RPA1: variants seen among roughly 807,000 people sequenced by gnomAD.
The protein encoded by RPA1 is replication protein A 70 kDa DNA-binding subunit.
Under a neutral mutation model 83.0 loss-of-function variants are expected in RPA1, and 49 were observed. The ratio of observed to expected loss-of-function variants is 0.59; its 90% CI spans 0.47 to 0.75. The LOEUF is 0.75. Ranked by LOEUF, RPA1 falls within the 30% of genes least tolerant of loss-of-function variation. The pLI, the probability that RPA1 is intolerant of heterozygous loss-of-function variation, is 0.00. For synonymous variants in RPA1, 279 were observed against 281.8 expected (o/e 0.99, Z 0.10); for missense variants, 693 against 776.1 (o/e 0.89, Z 1.27).
intron 12 of RPA1, among the ~76,000 whole-genome samples, chr17:1,882,789 G>C (rs1398815598): frequency 1.3e-5 from 2 of 152,176 alleles, no homozygotes; most frequent in Non-Finnish European, 2.9e-5. Flanking sequence ...TGATCACCAC[G>C]CAGCTGCTGC....
chr17:1,877,716 G>A (rs1238504236), intron 8 of RPA1, among the ~76,000 whole-genome samples: 1 of 152,210 alleles, frequency 6.6e-6, no homozygotes, highest in Non-Finnish European at 1.5e-5. Context: ...ACTGGGAGGT[G>A]ATGCCTGCTT....
chr17:1,875,911 A>T, intron 7 of RPA1, 118 bp downstream of exon 7: 1 of 948,580 alleles, frequency 1.1e-6, no homozygotes, highest in Non-Finnish European at 1.4e-6. Context: ...ACCAAATAGA[A>T]TGGGTTTACT....
intron 4 of RPA1, among the ~76,000 whole-genome samples, chr17:1,852,074 T>G (rs1181921858): frequency 6.6e-6 from 1 of 152,186 alleles, no homozygotes; most frequent in Non-Finnish European, 1.5e-5. Flanking sequence ...TTTTGTCTCT[T>G]CTCTTGGTCT....
intron 1 of RPA1, among the ~76,000 whole-genome samples, chr17:1,832,031 C>T (rs899736474): frequency 6.6e-6 from 1 of 150,990 alleles, no homozygotes; most frequent in African/African-American, 2.4e-5. Flanking sequence ...TGGGTTCAGG[C>T]AGTTCTCGTG....
At chr17:1,896,626 C>G (rs1296583254) in intron 16 of RPA1, among the ~76,000 whole-genome samples, 1 of 152,128 alleles carries the variant, frequency 6.6e-6, no homozygotes, top group African/African-American at 2.4e-5. Flanking sequence ...TGAGACAGGA[C>G]AGACTCGGTC....
Position 1,880,687 on chromosome 17 carries a change from G to A in RPA1, c.1237G>A (p.Gly413Arg), listed in dbSNP as rs1469211768. Reference protein sequence around the residue: ...PDIPEAYKLRGWFDAEGQALD... With the variant: ...PDIPEAYKLRRWFDAEGQALD... ...CATCCCAGAGGCCTATAAGCTTCGT[G>A]GATGGTAGGTTTTGTGGGGCTAAAC... The change falls in exon 12 of 17, where the codon GGA (glycine) becomes AGA (arginine). Residue 413 changes from glycine to arginine, a missense_variant. By Grantham distance (125) the Gly-to-Arg change is moderately radical. Coordinates refer to ENST00000254719, the MANE Select transcript of RPA1 (RefSeq NM_002945.5). The A allele has an allele frequency of 6.2e-7, 1 of 1,613,230 alleles. No homozygotes were observed. Among genetic ancestry groups the A allele is most frequent in the Admixed American group, 1.7e-5 (1 of 60,014 alleles).
At chr17:1,868,440 C>G (rs1330727743) in intron 5 of RPA1, among the ~76,000 whole-genome samples, 1 of 152,162 alleles carries the variant, frequency 6.6e-6, no homozygotes, top group Non-Finnish European at 1.5e-5. Flanking sequence ...ACAATTAAGT[C>G]TAGCCCACAA....
At chr17:1,854,424 G>A (rs6503011) in intron 5 of RPA1, 26 of 152,244 alleles carry the variant, frequency 1.7e-4, no homozygotes, top group Non-Finnish European at 3.2e-4. Flanking sequence ...AGGAAACCAG[G>A]TACGGTACCT....
chr17:1,873,443 C>T (rs1432642898), intron 6 of RPA1, among the ~76,000 whole-genome samples: 2 of 152,004 alleles, frequency 1.3e-5, no homozygotes, highest in Non-Finnish European at 2.9e-5. Flanking sequence ...GTCCTTTTTT[C>T]TGTCACGGCT....
intron 6 of RPA1, among the ~76,000 whole-genome samples, chr17:1,873,494 A>G (rs1034121941): frequency 6.6e-6 from 1 of 151,884 alleles, no homozygotes. Flanking sequence ...ATTAGTTTCT[A>G]TTTTTCAGTG....
chr17:1,863,010 G>A (rs1426660138), intron 5 of RPA1, among the ~76,000 whole-genome samples: 2 of 150,984 alleles, frequency 1.3e-5, no homozygotes, highest in Non-Finnish European at 3.0e-5. Flanking sequence ...GAGCCACCGT[G>A]CCCGGCCAAG....
intron 4 of RPA1, among the ~76,000 whole-genome samples, chr17:1,851,107 T>C (rs1279714359): frequency 6.6e-6 from 1 of 152,174 alleles, no homozygotes; most frequent in Non-Finnish European, 1.5e-5. Context: ...CCTCTGTAAT[T>C]TTGAGGTAAA....
At chr17:1,882,939 G>A (rs1438787498) in intron 12 of RPA1, among the ~76,000 whole-genome samples, 1 of 152,190 alleles carries the variant, frequency 6.6e-6, no homozygotes, top group East Asian at 1.9e-4. Context: ...TTTAAGAAAA[G>A]ATTCTTTGGT....
chr17:1,877,169 C>T, intron 7 of RPA1, 43 bp from the exon 8 acceptor site: 1 of 1,560,180 alleles, frequency 6.4e-7, no homozygotes, highest in South Asian at 1.1e-5. Flanking sequence ...TGATCTTTTC[C>T]AAGGAAGACC....
chr17:1,888,973 G>T, intron 14 of RPA1, 122 bp downstream of exon 14: 1 of 1,012,674 alleles, frequency 9.9e-7, no homozygotes. Context: ...AGATGAGTAG[G>T]TGTGGAAGAG....
At chr17:1,886,495 C>T (rs1247545734) in intron 13 of RPA1, among the ~76,000 whole-genome samples, 1 of 152,226 alleles carries the variant, frequency 6.6e-6, no homozygotes, top group African/African-American at 2.4e-5. Context: ...TTGATGGCAT[C>T]TTCTTCCAGA....
intron 1 of RPA1, among the ~76,000 whole-genome samples, chr17:1,842,579 A>G (rs1051065019): frequency 6.6e-6 from 1 of 152,214 alleles, no homozygotes; most frequent in Admixed American, 6.5e-5. Flanking sequence ...CATATGGGAT[A>G]CCGGTGCTAG....
At chr17:1,872,708 C>CTTTTTTTTT (rs34892322) in intron 6 of RPA1, among the ~76,000 whole-genome samples, 182 bp downstream of exon 6, 2 of 113,050 alleles carry the variant, frequency 1.8e-5, no homozygotes, top group Admixed American at 1.0e-4. Context: ...TAAAGATTGT[C>CTTTTTTTTT]TTTTTTTTTT....
intron 2 of RPA1, among the ~76,000 whole-genome samples, chr17:1,843,500 C>A (rs979084271): frequency 2.0e-5 from 3 of 151,962 alleles, no homozygotes; most frequent in African/African-American, 7.3e-5. Context: ...CCTCCATCTC[C>A]ACCCCAGTTG....
Sources: allele counts gnomAD v4.1 joint callset (sites outside exome capture counted in the v4.1 genomes callset), GRCh38; gene constraint gnomAD v4.1.1; transcripts MANE v1.5; gene names NCBI Gene and HGNC (gene_info 2026-07-23, HGNC 2026-07-21).